Variants in GRID1 observed in about 807,000 individuals in gnomAD.
The protein encoded by GRID1 is glutamate ionotropic receptor delta type subunit 1, also known as glutamate receptor ionotropic, delta-1.
A neutral mutation model predicts 98.0 loss-of-function variants in GRID1; 28 were observed. The observed-to-expected ratio is 0.29, with a 90% CI of 0.21 to 0.39. GRID1 has a LOEUF of 0.39. Among genes scored for constraint, GRID1 ranks in the 10% least tolerant of loss-of-function variants. GRID1 has a pLI of 1.00. For missense variants in GRID1, 1,111 were observed against 1,340.5 expected (o/e 0.83, Z 2.67); for synonymous variants, 553 against 538.5 (o/e 1.03, Z -0.37).
intron 12 of GRID1, among the ~76,000 whole-genome samples, chr10:85,714,219 A>C (rs1313959248): frequency 6.6e-6 from 1 of 152,012 alleles, no homozygotes; most frequent in African/African-American, 2.4e-5. Flanking sequence ...ACACATGGAT[A>C]GATACGAGAG....
At chr10:86,054,128 T>A (rs1843541855) in intron 4 of GRID1, among the ~76,000 whole-genome samples, 1 of 152,050 alleles carries the variant, frequency 6.6e-6, no homozygotes, top group Non-Finnish European at 1.5e-5. Context: ...TTCTCAGAAC[T>A]CATATAGTAA....
chr10:86,281,498 C>T (rs1392731058), intron 2 of GRID1, among the ~76,000 whole-genome samples: 17 of 152,168 alleles, frequency 1.1e-4, no homozygotes, highest in Non-Finnish European at 1.2e-4. Flanking sequence ...ACTGGGCAGG[C>T]GGTTGTGCCT....
intron 5 of GRID1, among the ~76,000 whole-genome samples, chr10:85,875,651 G>A (rs1843322092): frequency 6.6e-6 from 1 of 151,418 alleles, no homozygotes; most frequent in South Asian, 2.1e-4. Flanking sequence ...TCTTTTATTG[G>A]TTATGCTAGA....
intron 8 of GRID1, among the ~76,000 whole-genome samples, chr10:85,793,301 TG>T (rs1842497735): frequency 6.6e-6 from 1 of 152,198 alleles, no homozygotes; most frequent in Non-Finnish European, 1.5e-5. Context: ...ACCTAGCAGC[TG>T]CTGTCCATCC....
chr10:85,745,976 T>G (rs1454018187), intron 8 of GRID1, among the ~76,000 whole-genome samples: 1 of 152,148 alleles, frequency 6.6e-6, no homozygotes, highest in Non-Finnish European at 1.5e-5. Flanking sequence ...ACATGAGACA[T>G]GAATAGCTGG....
chr10:86,202,505 T>C (rs1244994993), intron 3 of GRID1, among the ~76,000 whole-genome samples: 1 of 152,262 alleles, frequency 6.6e-6, no homozygotes, highest in Admixed American at 6.5e-5. Flanking sequence ...CTCCATTCTT[T>C]TCGATCCAAA....
intron 2 of GRID1, among the ~76,000 whole-genome samples, chr10:86,211,067 T>A (rs923878072): frequency 6.6e-6 from 1 of 152,150 alleles, no homozygotes. Context: ...TTTCTTTCTT[T>A]CTTCTTGGGG....
chr10:86,194,811 C>G (rs1298216066), intron 3 of GRID1, among the ~76,000 whole-genome samples: 1 of 151,960 alleles, frequency 6.6e-6, no homozygotes, highest in African/African-American at 2.4e-5. Context: ...ACTCGGCCAC[C>G]AATGCTTATG....
intron 4 of GRID1, among the ~76,000 whole-genome samples, chr10:85,933,852 G>A (rs1269457949): frequency 6.6e-6 from 1 of 152,194 alleles, no homozygotes; most frequent in African/African-American, 2.4e-5. Context: ...GTGCATGAGG[G>A]CTGGAGATTT....
intron 4 of GRID1, among the ~76,000 whole-genome samples, chr10:86,024,700 G>T (rs923536337): frequency 2.6e-5 from 4 of 152,152 alleles, no homozygotes; most frequent in Non-Finnish European, 5.9e-5. Context: ...CCACAACTCT[G>T]CTTCCCAGCA....
intron 8 of GRID1, among the ~76,000 whole-genome samples, chr10:85,756,588 A>C (rs1880382): frequency 6.6e-6 from 1 of 152,092 alleles, no homozygotes; most frequent in Non-Finnish European, 1.5e-5. Flanking sequence ...TGTCCTAGGT[A>C]GGATGGAGCC....
At chr10:86,352,136 A>G (rs1461154102) in intron 2 of GRID1, among the ~76,000 whole-genome samples, 2 of 152,222 alleles carry the variant, frequency 1.3e-5, no homozygotes, top group African/African-American at 4.8e-5. Context: ...CCCCGTCTCT[A>G]CTAAAAATAC....
intron 4 of GRID1, among the ~76,000 whole-genome samples, chr10:85,990,538 G>A (rs1332381645): frequency 1.3e-5 from 2 of 152,192 alleles, no homozygotes; most frequent in South Asian, 2.1e-4. Flanking sequence ...CCTTTCAACC[G>A]AGGTGCCCTT....
At chr10:85,946,427 C>T (rs971352605) in intron 4 of GRID1, among the ~76,000 whole-genome samples, 1 of 152,200 alleles carries the variant, frequency 6.6e-6, no homozygotes, top group African/African-American at 2.4e-5. Context: ...CACTCCTTTG[C>T]TTTTTGACTT....
At chr10:85,872,183 C>A (rs1406321501) in intron 5 of GRID1, among the ~76,000 whole-genome samples, 1 of 152,090 alleles carries the variant, frequency 6.6e-6, no homozygotes, top group Non-Finnish European at 1.5e-5. Flanking sequence ...ACATTCTAAT[C>A]TGAGACAAAG....
chr10:85,650,466 C>A (rs1177438676), intron 12 of GRID1, among the ~76,000 whole-genome samples: 1 of 152,172 alleles, frequency 6.6e-6, no homozygotes, highest in Non-Finnish European at 1.5e-5. Flanking sequence ...TGATGTCATT[C>A]AACCAGTTAT....
At chr10:86,228,939 G>C (rs897822584) in intron 2 of GRID1, among the ~76,000 whole-genome samples, 1 of 152,182 alleles carries the variant, frequency 6.6e-6, no homozygotes, top group African/African-American at 2.4e-5. Flanking sequence ...AGAGAAGTGT[G>C]ACCCCTCTAA....
chr10:86,192,884 A>G lies in GRID1; in HGVS notation c.520+13480T>C, dbSNP rs543221925. 9.9e-5 allele frequency among the ~76,000 whole-genome samples: 15 copies of G among 152,150 alleles called. No homozygotes were observed. The highest frequency in any genetic ancestry group is 2.9e-4 in the African/African-American group (12 of 41,556). ...CCCCACAGTGAGGATGCAGCCTCCCAGAGCCTGAGTCCCAGGCCTAAGGCT... is the reference window on the plus strand; with the variant it reads ...CCCCACAGTGAGGATGCAGCCTCCCGGAGCCTGAGTCCCAGGCCTAAGGCT... On this transcript the variant is annotated intron_variant, in intron 3 of 15. Coordinates refer to ENST00000327946, the MANE Select transcript of GRID1 (RefSeq NM_017551.3). The surrounding 1 kb of genome is among the most constrained non-coding windows in gnomAD (Gnocchi z 4.8).
Position 86,228,052 on chromosome 10 carries a change from G to A in GRID1, c.236-21404C>T, listed in dbSNP as rs115309409. Among the ~76,000 whole-genome samples, 926 of 152,022 alleles carry A rather than the reference G, an allele frequency of 6.1e-3. 16 individuals are homozygous for A. The highest frequency in any genetic ancestry group is 0.021 in the African/African-American group (876 of 41,458). Reference sequence around the variant, plus strand: ...GATGGAAGGAAAGATGGTTGAATGCGTGGATGGATGGGGGACCGGGTTGGG... The same window carrying A: ...GATGGAAGGAAAGATGGTTGAATGCATGGATGGATGGGGGACCGGGTTGGG... On this transcript the variant is annotated intron_variant, in intron 2 of 15. Coordinates refer to ENST00000327946, the MANE Select transcript of GRID1 (RefSeq NM_017551.3).
Sources: gnomAD v4.1 joint callset for allele counts (sites outside exome capture counted in the v4.1 genomes callset) on GRCh38, gnomAD v4.1.1 for gene constraint, Gnocchi (gnomAD v3.1) non-coding constraint, MANE v1.5 for transcripts, NCBI Gene and HGNC (gene_info 2026-07-23, HGNC 2026-07-21) for gene names.